PTPRN2: variants seen among roughly 807,000 people sequenced by gnomAD.
PTPRN2 encodes the protein receptor-type tyrosine-protein phosphatase N2.
A neutral mutation model predicts 118.8 loss-of-function variants in PTPRN2; 74 were observed. The observed-to-expected ratio is 0.62, with a 90% confidence interval of 0.52 to 0.76. The LOEUF is 0.76. Ranked by LOEUF, PTPRN2 falls within the 30% of genes least tolerant of loss-of-function variation. The probability of loss-of-function intolerance (pLI) is 0.00; values close to 1 mark genes in which losing one functional copy is unlikely to be tolerated. For synonymous variants in PTPRN2, 641 were observed against 608.0 expected (o/e 1.05, Z -0.80); for missense variants, 1,481 against 1,394.4 (o/e 1.06, Z -0.99).
At position 157,596,036 on chromosome 7, in the gene PTPRN2, C is replaced by T. The variant is rs1407702110; in HGVS notation, c.2419-721G>A. ...CTGGCCACGGAGCCCACCCAGGCTG[C>T]CCTGTGTTCAGGAGAACGAGCCTCT... On this transcript the variant is annotated intron_variant, in intron 16 of 22. Transcript: ENST00000389418. The surrounding 1 kb of genome is among the most constrained non-coding windows in gnomAD (Gnocchi z 4.2). Among the ~76,000 whole-genome samples, 1 of 152,220 alleles carries T rather than the reference C, an allele frequency of 6.6e-6. No individual in the cohort carries two copies. The highest frequency in any genetic ancestry group is 2.4e-5 in the African/African-American group (1 of 41,448).
chr7:157,552,384 A>G (rs75948214), intron 21 of PTPRN2, among the ~76,000 whole-genome samples: 2,790 of 152,212 alleles, frequency 0.018, 75 homozygotes, highest in African/African-American at 0.064. Flanking sequence ...CGTGTGAATA[A>G]TAGCTCAGAA....
intron 6 of PTPRN2, among the ~76,000 whole-genome samples, chr7:158,154,266 G>A (rs1821490843): frequency 6.6e-6 from 1 of 152,212 alleles, no homozygotes; most frequent in Non-Finnish European, 1.5e-5. Context: ...CCACAGTTGG[G>A]ACTCGGGGAA....
chr7:158,366,124 C>T (rs752708549), intron 2 of PTPRN2, among the ~76,000 whole-genome samples: 1 of 144,332 alleles, frequency 6.9e-6, no homozygotes, highest in Non-Finnish European at 1.5e-5. Flanking sequence ...GCCCAATGCA[C>T]GCGTGCACAT....
chr7:157,545,281 G>T (rs1391523506), intron 22 of PTPRN2, among the ~76,000 whole-genome samples: 1 of 150,950 alleles, frequency 6.6e-6, no homozygotes, highest in Non-Finnish European at 1.5e-5. Context: ...TGTGAGCAGT[G>T]TGCACGGCTG....
intron 3 of PTPRN2, among the ~76,000 whole-genome samples, chr7:158,291,456 C>A (rs1481011609): frequency 6.6e-6 from 1 of 152,110 alleles, no homozygotes; most frequent in Non-Finnish European, 1.5e-5. Context: ...CTAGGAGCTT[C>A]CCCTCCCCCA....
intron 12 of PTPRN2, among the ~76,000 whole-genome samples, chr7:157,847,766 C>CGTATGTTTA: frequency 6.8e-6 from 1 of 146,228 alleles, no homozygotes; most frequent in African/African-American, 2.6e-5. Context: ...TCATGCGTGC[C>CGTATGTTTA]CGATGTCTAC....
rs1805420489 is a variant in PTPRN2, at chr7:158,003,425, A to G, written c.1723+77873T>C. 6.6e-6 allele frequency among the ~76,000 whole-genome samples: 1 copy of G among 151,868 alleles called. No homozygotes were observed. The highest frequency in any genetic ancestry group is 6.6e-5 in the Admixed American group (1 of 15,256). On this transcript the variant is annotated intron_variant, in intron 11 of 22. Coordinates refer to ENST00000389418, the MANE Select transcript of PTPRN2 (RefSeq NM_002847.5). The surrounding 1 kb of genome is among the most constrained non-coding windows in gnomAD (Gnocchi z 5.0). ...CGAGACTCCGTCTCAAAAAAAAAAA[A>G]AAAAAAAAATGAGGTCCTGAGGGGG...
intron 17 of PTPRN2, among the ~76,000 whole-genome samples, chr7:157,580,472 G>GCACCTGCACACCC: frequency 1.5e-5 from 1 of 66,082 alleles, no homozygotes; most frequent in South Asian, 5.4e-4. Context: ...CCTGCACACC[G>GCACCTGCACACCC]CAGCACCTGC....
At chr7:157,756,727 G>A (rs11972781) in intron 12 of PTPRN2, among the ~76,000 whole-genome samples, 9,921 of 151,722 alleles carry the variant, frequency 0.065, 353 homozygotes, top group East Asian at 0.097. Context: ...AACATCAGCA[G>A]TGTCCTTACC....
intron 12 of PTPRN2, among the ~76,000 whole-genome samples, chr7:157,748,417 C>T (rs1469787200): frequency 1.6e-5 from 2 of 123,108 alleles, no homozygotes; most frequent in African/African-American, 3.3e-5. Context: ...TGCGGGGTTT[C>T]TCGGTAATTC....
chr7:157,857,541 CATG>C, intron 12 of PTPRN2: 1 of 152,290 alleles, frequency 6.6e-6, no homozygotes, highest in Admixed American at 6.5e-5. Flanking sequence ...TGCTCCTACT[CATG>C]CCAGGTGAGG....
intron 12 of PTPRN2, among the ~76,000 whole-genome samples, chr7:157,804,636 C>T (rs1384737544): frequency 1.3e-5 from 2 of 152,176 alleles, no homozygotes; most frequent in African/African-American, 4.8e-5. Context: ...CACGCGTGCA[C>T]ACACATACAC....
At chr7:158,317,010 C>A in intron 2 of PTPRN2, 78 bp from the exon 3 acceptor site, 1 of 1,087,832 alleles carries the variant, frequency 9.2e-7, no homozygotes, top group South Asian at 1.5e-5. Context: ...CACGTCCTTG[C>A]AATGCGTTCT....
chr7:158,344,358 G>A (rs1807326753), intron 2 of PTPRN2, among the ~76,000 whole-genome samples: 1 of 152,196 alleles, frequency 6.6e-6, no homozygotes, highest in Non-Finnish European at 1.5e-5. Context: ...GTCCAGTGGG[G>A]AGCATTGGCC....
intron 1 of PTPRN2, among the ~76,000 whole-genome samples, chr7:158,554,662 G>A (rs566354123): frequency 1.3e-5 from 2 of 152,154 alleles, no homozygotes; most frequent in Admixed American, 6.5e-5. Flanking sequence ...TGCTAGTCGC[G>A]GCTCTGGCCC....
intron 13 of PTPRN2, among the ~76,000 whole-genome samples, chr7:157,657,633 CCA>C (rs1356673193): frequency 8.5e-6 from 1 of 118,038 alleles, no homozygotes; most frequent in East Asian, 2.9e-4. Flanking sequence ...CACACACACA[CCA>C]CACACATCAC....
chr7:157,822,083 A>G (rs576828730), intron 12 of PTPRN2, among the ~76,000 whole-genome samples: 8 of 151,778 alleles, frequency 5.3e-5, no homozygotes, highest in African/African-American at 1.9e-4. Flanking sequence ...TATACTATCC[A>G]TCAATCACCC....
chr7:158,178,631 C>T (rs1410227318), intron 5 of PTPRN2, among the ~76,000 whole-genome samples: 1 of 112,926 alleles, frequency 8.9e-6, no homozygotes, highest in Non-Finnish European at 1.7e-5. Flanking sequence ...TGGAGTCTTG[C>T]TCTGTTGCCA....
At chr7:157,586,902 A>T (rs1054155348) in intron 17 of PTPRN2, among the ~76,000 whole-genome samples, 1 of 152,188 alleles carries the variant, frequency 6.6e-6, no homozygotes, top group African/African-American at 2.4e-5. Flanking sequence ...AAATGTTTTT[A>T]AAAATTAGGT....
Sources: gnomAD v4.1 joint callset for allele counts (sites outside exome capture counted in the v4.1 genomes callset) on GRCh38, gnomAD v4.1.1 for gene constraint, Gnocchi (gnomAD v3.1) non-coding constraint, MANE v1.5 for transcripts, NCBI Gene and HGNC (gene_info 2026-07-23, HGNC 2026-07-21) for gene names.